Variants in SLIT3 observed in about 807,000 individuals in gnomAD.
The protein encoded by SLIT3 is slit homolog 3 protein.
SLIT3 carries 68 observed loss-of-function variants against 184.0 expected under a neutral mutation model. That is an observed-to-expected ratio of 0.37 (90% confidence interval 0.30 to 0.45). The LOEUF is 0.45. Among genes scored for constraint, SLIT3 ranks in the 20% least tolerant of loss-of-function variants. The pLI is 1.00. For synonymous variants in SLIT3, 831 were observed against 828.6 expected, an observed-to-expected ratio of 1.00 and a Z score of -0.05; for missense variants, 1,707 against 2,026.0, an observed-to-expected ratio of 0.84 and a Z score of 3.02.
chr5:168,710,845 C>T (rs1762532620), intron 25 of SLIT3, 50 bp downstream of exon 25: 1 of 1,423,424 alleles, frequency 7.0e-7, no homozygotes. Context: ...GCTGGGAACA[C>T]AGCAGACCCC....
intron 4 of SLIT3, among the ~76,000 whole-genome samples, chr5:168,992,664 C>T (rs1194205274): frequency 6.6e-6 from 1 of 152,118 alleles, no homozygotes; most frequent in Admixed American, 6.5e-5. Flanking sequence ...GGAGGGCACC[C>T]ATTTCCAGCG....
At chr5:169,197,056 T>TA (rs1444041234) in intron 3 of SLIT3, among the ~76,000 whole-genome samples, 1 of 152,178 alleles carries the variant, frequency 6.6e-6, no homozygotes, top group African/African-American at 2.4e-5. Flanking sequence ...CTGAAAACCC[T>TA]AAACCAGAGT....
intron 6 of SLIT3, among the ~76,000 whole-genome samples, chr5:168,843,798 A>C (rs1469236708): frequency 6.6e-6 from 1 of 152,178 alleles, no homozygotes; most frequent in African/African-American, 2.4e-5. Flanking sequence ...ATTCAACTTT[A>C]GTTGGAATGA....
intron 5 of SLIT3, among the ~76,000 whole-genome samples, chr5:168,849,772 T>C (rs1369952824): frequency 6.6e-6 from 1 of 152,368 alleles, no homozygotes; most frequent in East Asian, 1.9e-4. Flanking sequence ...TGTTCATCAA[T>C]GTACATATTT....
chr5:169,077,617 G>A (rs1758797471), intron 4 of SLIT3, among the ~76,000 whole-genome samples: 1 of 152,138 alleles, frequency 6.6e-6, no homozygotes, highest in Non-Finnish European at 1.5e-5. Context: ...TTATCAGTAA[G>A]GCTTCTGATC....
intron 4 of SLIT3, among the ~76,000 whole-genome samples, chr5:168,967,470 C>G (rs1475208234): frequency 1.9e-4 from 1 of 5,162 alleles, no homozygotes; most frequent in Non-Finnish European, 4.5e-4. Flanking sequence ...GACGGAGTCT[C>G]GCTCTGTCGC....
At chr5:168,727,528 G>C (rs985151207) in intron 20 of SLIT3, among the ~76,000 whole-genome samples, 2 of 152,110 alleles carry the variant, frequency 1.3e-5, no homozygotes, top group Admixed American at 1.3e-4. Context: ...GGCCTGGAGA[G>C]GACAGTGGGA....
chr5:168,894,558 C>T (rs191023351), intron 4 of SLIT3, among the ~76,000 whole-genome samples: 1 of 152,290 alleles, frequency 6.6e-6, no homozygotes, highest in Admixed American at 6.5e-5. Flanking sequence ...AGAACTAATG[C>T]TCCTAGAACA....
intron 4 of SLIT3, among the ~76,000 whole-genome samples, chr5:169,020,901 C>T (rs1179925317): frequency 5.9e-5 from 9 of 152,212 alleles, no homozygotes; most frequent in Non-Finnish European, 1.5e-5. Flanking sequence ...ACACACAGTG[C>T]TAGAGCAAGA....
At chr5:168,806,302 G>A in intron 9 of SLIT3, 144 bp downstream of exon 9, 1 of 870,196 alleles carries the variant, frequency 1.1e-6, no homozygotes, top group South Asian at 1.7e-5. Flanking sequence ...GGAAAGTGTG[G>A]AAGGACAGCA....
chr5:168,888,915 A>G (rs1760329572), intron 4 of SLIT3, among the ~76,000 whole-genome samples: 1 of 152,190 alleles, frequency 6.6e-6, no homozygotes, highest in African/African-American at 2.4e-5. Context: ...TTCAGTATCA[A>G]TCAAAACTCA....
At chr5:169,042,712 T>G (rs989225041) in intron 4 of SLIT3, among the ~76,000 whole-genome samples, 32 of 152,336 alleles carry the variant, frequency 2.1e-4, no homozygotes, top group African/African-American at 7.5e-4. Context: ...TTTTGTTGTT[T>G]GTTTGTTACA....
intron 5 of SLIT3, among the ~76,000 whole-genome samples, chr5:168,859,155 T>C (rs1003322199): frequency 2.6e-5 from 4 of 152,176 alleles, no homozygotes; most frequent in African/African-American, 9.7e-5. Context: ...GGGTCAGCAC[T>C]GCGGCAGAAG....
rs1437974217 is a variant in SLIT3 at position 168,783,086 on chromosome 5, G to A, written c.1151+2821C>T. On this transcript the variant is annotated intron_variant, in intron 12 of 35. Transcript: ENST00000519560. ...GAGTGACAGAAGGATTTGTGAGAGC[G>A]TGCATGAGAGGGATTCTTGTCCTAG... is the stretch of plus-strand genomic sequence containing the variant. 3.3e-5 allele frequency among the ~76,000 whole-genome samples: 5 copies of A among 152,152 alleles called. No homozygotes were observed. The East Asian group carries it at 7.7e-4, about 23-fold the overall frequency.
chr5:168,738,512 T>G (rs1763508076), intron 20 of SLIT3, among the ~76,000 whole-genome samples: 1 of 152,256 alleles, frequency 6.6e-6, no homozygotes, highest in African/African-American at 2.4e-5. Flanking sequence ...CAAGCTGAAC[T>G]AGCTGGCTTT....
At position 168,772,928 on chromosome 5, in the gene SLIT3, G is replaced by A; in HGVS notation, c.1312C>T (p.Pro438Ser). 5 of 1,607,816 alleles carry A rather than the reference G, an allele frequency of 3.1e-6. No homozygotes were observed. The highest frequency in any genetic ancestry group is 3.4e-6 in the Non-Finnish European group (4 of 1,176,208). The stretch of plus-strand genomic sequence containing the variant: ...TTCAAGTGGCAGTCGCACACAAATG[G>A]GTTTTGGGCTAAGTGGCTGCGAGAG... Reference protein sequence around the residue: ...SIQTLHLAQNPFVCDCHLKWL... With the variant: ...SIQTLHLAQNSFVCDCHLKWL... The change falls in exon 14 of 36, where the codon CCA becomes TCA. Residue 438 changes from proline to serine, a missense_variant. Coordinates refer to ENST00000519560, the MANE Select transcript of SLIT3 (RefSeq NM_003062.4).
At chr5:169,149,340 C>CTTTTT (rs3038064) in intron 4 of SLIT3, among the ~76,000 whole-genome samples, 1,838 of 137,846 alleles carry the variant, frequency 0.013, 29 homozygotes, top group Non-Finnish European at 0.019. Context: ...ACAACATGGG[C>CTTTTT]TTTTTTTTTT....
intron 4 of SLIT3, among the ~76,000 whole-genome samples, chr5:169,055,660 G>A (rs1321611450): frequency 6.6e-6 from 1 of 152,128 alleles, no homozygotes; most frequent in Non-Finnish European, 1.5e-5. Flanking sequence ...CCAACATGGT[G>A]AAACCCCATC....
chr5:168,936,145 A>C (rs1267628804), intron 4 of SLIT3, among the ~76,000 whole-genome samples: 1 of 152,238 alleles, frequency 6.6e-6, no homozygotes, highest in Admixed American at 6.5e-5. Context: ...GCATTAAGGT[A>C]CTTGGGTCCC....
Sources: gnomAD v4.1 joint callset for allele counts (sites outside exome capture counted in the v4.1 genomes callset) on GRCh38, gnomAD v4.1.1 for gene constraint, MANE v1.5 for transcripts, NCBI Gene and HGNC (gene_info 2026-07-23, HGNC 2026-07-21) for gene names.